Variants in RPA3 observed in about 807,000 individuals in gnomAD.
RPA3 encodes replication protein A 14 kDa subunit.
RPA3 carries 24 observed loss-of-function variants against 13.7 expected under a neutral mutation model. The observed-to-expected ratio is 1.75, with a 90% CI of 1.27 to 2.46. The LOEUF is 2.46. Ranked by LOEUF, RPA3 falls within the 30% of genes most tolerant of loss-of-function variation. The probability of loss-of-function intolerance (pLI) is 0.00; values close to 1 mark genes in which losing one functional copy is unlikely to be tolerated. For missense variants in RPA3, 183 were observed against 151.0 expected (o/e 1.21, Z -1.11); for synonymous variants, 59 against 51.2 (o/e 1.15, Z -0.65).
intron 6 of RPA3, chr7:7,638,375 A>C (rs1024969426): frequency 4.5e-5 from 7 of 154,162 alleles, no homozygotes; most frequent in Admixed American, 4.5e-4. Context: ...TAAGTATGTT[A>C]AACATAAAAT....
At chr7:7,702,869 A>T (rs1301778079) in intron 2 of RPA3, among the ~76,000 whole-genome samples, 1 of 152,140 alleles carries the variant, frequency 6.6e-6, no homozygotes, top group Non-Finnish European at 1.5e-5. Flanking sequence ...TTGCTGATGA[A>T]CAGTTATTGC....
intron 2 of RPA3, among the ~76,000 whole-genome samples, chr7:7,701,757 T>C (rs1205861867): frequency 6.6e-6 from 1 of 152,208 alleles, no homozygotes; most frequent in Admixed American, 6.5e-5. Context: ...TATTCAGGTT[T>C]CTGCAGCTGT....
At chr7:7,685,736 A>T (rs1256708917) in intron 4 of RPA3, 94 bp downstream of exon 4, 2 of 152,178 alleles carry the variant, frequency 1.3e-5, no homozygotes, top group Non-Finnish European at 2.9e-5. Flanking sequence ...TACTATTCTA[A>T]AGCTTTTTAA....
At position 7,680,688 on chromosome 7, in the gene RPA3, A is replaced by AT. The variant is rs66525650; in HGVS notation, c.-758+5141dup. On this transcript the variant is annotated intron_variant, in intron 4 of 7. Transcript: ENST00000223129. ...ATCCATAAATTTGGAATATCTTTCCATTTTTTTTTATGTGTGTTCTCTTTG... is the reference window on the plus strand; with the variant it reads ...ATCCATAAATTTGGAATATCTTTCCATTTTTTTTTTATGTGTGTTCTCTTTG... Among the ~76,000 whole-genome samples, 26 of 150,942 alleles carry AT rather than the reference A, an allele frequency of 1.7e-4. 1 individual carries two copies. The East Asian group carries it at 3.9e-3, about 23-fold the overall frequency.
intron 2 of RPA3, among the ~76,000 whole-genome samples, chr7:7,696,331 G>A (rs1221260044): frequency 6.6e-6 from 1 of 151,310 alleles, no homozygotes; most frequent in Non-Finnish European, 1.5e-5. Context: ...AACAAATGTG[G>A]TCTGATGGTG....
At chr7:7,718,236 G>C (rs1012756689) in intron 1 of RPA3, among the ~76,000 whole-genome samples, 18 of 152,048 alleles carry the variant, frequency 1.2e-4, no homozygotes, top group Admixed American at 3.9e-4. Context: ...TTATCCCCAA[G>C]GGTATTTTGA....
chr7:7,712,452 CT>C (rs371649097), intron 2 of RPA3, among the ~76,000 whole-genome samples: 1 of 151,944 alleles, frequency 6.6e-6, no homozygotes, highest in East Asian at 1.9e-4. Flanking sequence ...TCTTAGAGTG[CT>C]TTTTTGTTTT....
chr7:7,694,480 A>G (rs1780258750), intron 2 of RPA3, among the ~76,000 whole-genome samples: 1 of 152,100 alleles, frequency 6.6e-6, no homozygotes, highest in South Asian at 2.1e-4. Flanking sequence ...TACTTATTGT[A>G]TCAAACTATG....
chr7:7,700,967 T>A (rs527586622), intron 2 of RPA3, among the ~76,000 whole-genome samples: 1 of 152,174 alleles, frequency 6.6e-6, no homozygotes, highest in African/African-American at 2.4e-5. Flanking sequence ...AGAGAATTGC[T>A]TGAGCCCAGG....
intron 2 of RPA3, among the ~76,000 whole-genome samples, chr7:7,695,673 T>G (rs1780296891): frequency 6.6e-6 from 1 of 152,184 alleles, no homozygotes; most frequent in Non-Finnish European, 1.5e-5. Flanking sequence ...AAAAAGACAT[T>G]GCTTCTGAGC....
chr7:7,655,583 A>G (rs1342703758), intron 4 of RPA3, among the ~76,000 whole-genome samples: 2 of 152,142 alleles, frequency 1.3e-5, no homozygotes, highest in African/African-American at 2.4e-5. Flanking sequence ...GCTAAAAGTA[A>G]TAACATTTAA....
At chr7:7,662,440 T>C (rs1399938751) in intron 4 of RPA3, among the ~76,000 whole-genome samples, 2 of 152,160 alleles carry the variant, frequency 1.3e-5, no homozygotes, top group Non-Finnish European at 2.9e-5. Flanking sequence ...AGGTCCGTGG[T>C]GGCATAGGCA....
At chr7:7,651,955 C>A in intron 4 of RPA3, among the ~76,000 whole-genome samples, 1 of 152,170 alleles carries the variant, frequency 6.6e-6, no homozygotes, top group Non-Finnish European at 1.5e-5. Context: ...GCCCTCCTGA[C>A]TCCTCCCTCT....
chr7:7,649,171 A>AG (rs1424578313), intron 4 of RPA3, among the ~76,000 whole-genome samples: 198 of 142,082 alleles, frequency 1.4e-3, no homozygotes, highest in South Asian at 0.012. Context: ...AAAAAAAAAA[A>AG]AAAAAAAAGA....
At chr7:7,703,939 TAAC>T (rs1160578571) in intron 2 of RPA3, among the ~76,000 whole-genome samples, 2 of 151,590 alleles carry the variant, frequency 1.3e-5, no homozygotes, top group Non-Finnish European at 2.9e-5. Context: ...ACCTGTCTCT[TAAC>T]AAAGGAAAGA....
At chr7:7,699,654 G>A (rs1420867630) in intron 2 of RPA3, among the ~76,000 whole-genome samples, 1 of 152,106 alleles carries the variant, frequency 6.6e-6, no homozygotes, top group Non-Finnish European at 1.5e-5. Context: ...CTTCCTCCAG[G>A]CTTTTCACAT....
At chr7:7,718,257 T>A (rs1402851906) in intron 1 of RPA3, among the ~76,000 whole-genome samples, 3 of 152,230 alleles carry the variant, frequency 2.0e-5, no homozygotes, top group African/African-American at 7.2e-5. Context: ...AATATACTTA[T>A]GTGAATTTCT....
chr7:7,684,038 G>T (rs1253420754), intron 4 of RPA3, among the ~76,000 whole-genome samples: 1 of 152,134 alleles, frequency 6.6e-6, no homozygotes. Flanking sequence ...ATATAAAAGA[G>T]CATAGTTTTT....
intron 2 of RPA3, among the ~76,000 whole-genome samples, chr7:7,692,703 G>A (rs1780200957): frequency 6.6e-6 from 1 of 152,106 alleles, no homozygotes; most frequent in Admixed American, 6.5e-5. Flanking sequence ...TCCACCTCCT[G>A]GGTTCAAGTG....
Sources: allele counts gnomAD v4.1 joint callset (sites outside exome capture counted in the v4.1 genomes callset), GRCh38; gene constraint gnomAD v4.1.1; transcripts MANE v1.5; gene names NCBI Gene and HGNC (gene_info 2026-07-23, HGNC 2026-07-21).